The following CHGA variants were observed in gnomAD, a reference collection of about 807,000 sequenced individuals.
CHGA encodes chromogranin A.
A neutral mutation model predicts 54.4 loss-of-function variants in CHGA; 41 were observed. That is an observed-to-expected ratio of 0.75 (90% confidence interval 0.59 to 0.98). CHGA has a LOEUF of 0.98. CHGA is among the 50% of genes least tolerant of loss of function. CHGA has a pLI of 0.00. For synonymous variants in CHGA, 249 were observed against 232.8 expected (o/e 1.07, Z -0.63); for missense variants, 576 against 582.3 (o/e 0.99, Z 0.11).
intron 5 of CHGA, among the ~76,000 whole-genome samples, chr14:92,930,994 T>A (rs1232380351): frequency 1.3e-5 from 2 of 152,256 alleles, no homozygotes; most frequent in Non-Finnish European, 2.9e-5. Context: ...CCTGGATTAA[T>A]CTTAAGGTCT....
At chr14:92,923,494 TCCA>T (rs1886826562) in intron 1 of CHGA, 89 bp downstream of exon 1, 1 of 1,122,786 alleles carries the variant, frequency 8.9e-7, no homozygotes, top group Admixed American at 4.3e-5. Context: ...CCCGCACCCC[TCCA>T]CACTTCCCTT....
chr14:92,927,455 G>A (rs1197997133), intron 3 of CHGA, 95 bp from the exon 4 acceptor site: 2 of 1,032,352 alleles, frequency 1.9e-6, no homozygotes, highest in East Asian at 2.5e-5. Flanking sequence ...TGAGTTTCCA[G>A]AGTAAATTCC....
chr14:92,931,188 G>T (rs774144588), intron 5 of CHGA, 62 bp from the exon 6 acceptor site: 170 of 1,495,890 alleles, frequency 1.1e-4, no homozygotes, highest in Non-Finnish European at 1.5e-4. Context: ...AAATTAGCCT[G>T]TGGGGAGGCC....
At chr14:92,927,821 CT>C (rs1279029514) in intron 4 of CHGA, among the ~76,000 whole-genome samples, 1 of 152,214 alleles carries the variant, frequency 6.6e-6, no homozygotes, top group African/African-American at 2.4e-5. Flanking sequence ...GGTTGAGTGA[CT>C]TGTCCAAGGT....
chr14:92,933,003 G>A (rs1887045079), intron 7 of CHGA, 152 bp downstream of exon 7: 2 of 1,209,254 alleles, frequency 1.7e-6, no homozygotes, highest in African/African-American at 1.5e-5. Context: ...GGCTCTCAGG[G>A]TGGGAGAACA....
At chr14:92,929,178 A>G (rs866465144) in intron 4 of CHGA, among the ~76,000 whole-genome samples, 1 of 152,202 alleles carries the variant, frequency 6.6e-6, no homozygotes, top group African/African-American at 2.4e-5. Context: ...CTGGGCTCAG[A>G]TGTAGGCACA....
chr14:92,932,724 C>T lies in CHGA; in HGVS notation c.1163C>T (p.Pro388Leu), dbSNP rs9658668. The T allele has an allele frequency of 3.1e-4, 495 of 1,610,906 alleles. 1 individual carries two copies. In the African/African-American group the frequency reaches 4.2e-3, roughly 14 times the overall value. Reference protein sequence around the residue: ...ARAYGFRGPGPQLRRGWRPSS... With the variant: ...ARAYGFRGPGLQLRRGWRPSS... ...GCCTACGGCTTCAGGGGCCCTGGGCCGCAGCTGCGACGAGGCTGGAGGCCA... is the reference window on the plus strand; with the variant it reads ...GCCTACGGCTTCAGGGGCCCTGGGCTGCAGCTGCGACGAGGCTGGAGGCCA... Residue 388 changes from proline to leucine, a missense_variant, in exon 7 of 8, where the codon CCG (proline) becomes CTG (leucine). By Grantham distance (98) the Pro-to-Leu change is moderately conservative (BLOSUM62 -3). Coordinates refer to ENST00000216492, the MANE Select transcript of CHGA (RefSeq NM_001275.4). The surrounding 1 kb of genome is among the most constrained non-coding windows in gnomAD (Gnocchi z 5.3).
chr14:92,929,831 T>C lies in CHGA; in HGVS notation c.355+16T>C, dbSNP rs769862570. The C allele has an allele frequency of 5.0e-6, 8 of 1,608,008 alleles. No homozygotes were observed. The East Asian group carries it at 1.8e-4, about 36-fold the overall frequency. On this transcript the variant is annotated intron_variant, in intron 5 of 7. Transcript: ENST00000216492. ...GAGCTGAAAGGTCTGTCCCAGCCGG[T>C]CTGGCCGGAGGTGGGGAAGGGAGGG...
At position 92,932,641 on chromosome 14, in the gene CHGA, G is replaced by A. The variant is rs1887030385; in HGVS notation, c.1080G>A (p.Gly360=). 6 of 1,595,554 alleles carry A rather than the reference G, an allele frequency of 3.8e-6. No homozygotes were observed. The highest frequency in any genetic ancestry group is 5.1e-6 in the Non-Finnish European group (6 of 1,173,302). Residue 360 remains glycine (G), a synonymous_variant, in exon 7 of 8, where the codon GGG becomes GGA. Transcript: ENST00000216492. This position sits in a 1 kb window ranked among gnomAD's most constrained non-coding sequence, Gnocchi z 5.3. ...KELTAEKRLE[G]QEEEEDNRDS... ...TGACGGCTGAGAAGCGGCTGGAGGGGCAGGAGGAGGAGGAGGACAACCGGG... is the reference window on the plus strand; with the variant it reads ...TGACGGCTGAGAAGCGGCTGGAGGGACAGGAGGAGGAGGAGGACAACCGGG...
Position 92,929,719 on chromosome 14 carries a change from G to A in CHGA, c.259G>A (p.Ala87Thr), listed in dbSNP as rs200937569. The A allele has an allele frequency of 6.5e-5, 105 of 1,613,870 alleles. No homozygotes were observed. Among genetic ancestry groups the A allele is most frequent in the East Asian group, 6.2e-4 (28 of 44,884 alleles). The change falls in exon 5 of 8, where the codon GCC becomes ACC. Residue 87 changes from alanine to threonine, a missense_variant and splice_region_variant. Coordinates refer to ENST00000216492, the MANE Select transcript of CHGA (RefSeq NM_001275.4). The stretch of plus-strand genomic sequence containing the variant: ...TTTCCCTCCTTTTCTCATACCAGGC[G>A]CCAAGGAGAGGGCACATCAGCAGAA... ...KELQDLALQG[A>T]KERAHQQKKH...
At position 92,923,296 on chromosome 14, in the gene CHGA, GC is replaced by G. The variant is rs1308313699; in HGVS notation, c.-60del. The G allele has an allele frequency of 1.1e-5, 14 of 1,260,364 alleles. No homozygotes were observed. Among genetic ancestry groups the G allele is most frequent in the Non-Finnish European group, 1.2e-5 (12 of 1,004,162 alleles). The allele number at this position is 1,260,364 out of a possible 1,614,324, so 78.1% of individuals were successfully genotyped here. A position where few individuals can be genotyped will look rare whatever the true frequency, so the allele number is the denominator to read the frequency against. On this transcript the variant is annotated 5_prime_UTR_variant, in exon 1 of 8. Transcript: ENST00000216492. The stretch of plus-strand genomic sequence containing the variant: ...CCCGACCCCGGCCGCCAGTCCAGCC[GC>G]CCCTCGCCCGGTGCCTAGGTGCCCG...
In CHGA at chr14:92,935,096, C is replaced by T. The variant is rs2139677330; in HGVS notation, c.*212C>T. ...TGGAACATCCTTTGCAGGGCAGCCCCACAACTTTAAACATTGACGATTCCT... is the reference window on the plus strand; with the variant it reads ...TGGAACATCCTTTGCAGGGCAGCCCTACAACTTTAAACATTGACGATTCCT... On this transcript the variant is annotated 3_prime_UTR_variant, in exon 8 of 8. Coordinates refer to ENST00000216492, the MANE Select transcript of CHGA (RefSeq NM_001275.4). 1 of 517,560 alleles carries T rather than the reference C, an allele frequency of 1.9e-6. No individual in the cohort carries two copies. Among genetic ancestry groups the T allele is most frequent in the Non-Finnish European group, 3.4e-6 (1 of 298,116 alleles). The allele number at this position is 517,560 out of a possible 1,614,324, so 32.1% of individuals were successfully genotyped here.
In CHGA at chr14:92,932,625, A is replaced by C; in HGVS notation, c.1064A>C (p.Glu355Ala). The C allele has an allele frequency of 6.3e-7, 1 of 1,592,228 alleles. No homozygotes were observed. The change falls in exon 7 of 8, where the codon GAG (glutamate) becomes GCG (alanine). Residue 355 changes from glutamate to alanine, a missense_variant. By Grantham distance (107) the Glu-to-Ala change is moderately radical. Transcript: ENST00000216492. This position sits in a 1 kb window ranked among gnomAD's most constrained non-coding sequence, Gnocchi z 5.3. ...CAGCTGGCCAAGGAGCTGACGGCTG[A>C]GAAGCGGCTGGAGGGGCAGGAGGAG... Reference protein sequence around the residue: ...MDQLAKELTAEKRLEGQEEEE... With the variant: ...MDQLAKELTAAKRLEGQEEEE...
intron 2 of CHGA, 89 bp downstream of exon 2, chr14:92,924,334 A>G (rs2139666578): frequency 6.6e-6 from 9 of 1,366,548 alleles, no homozygotes; most frequent in Middle Eastern, 3.6e-4. Context: ...TAAGTTCGGC[A>G]TAAAGCCAAG....
At position 92,934,956 on chromosome 14, in the gene CHGA, G is replaced by T; in HGVS notation, c.*72G>T. The T allele has an allele frequency of 1.5e-6, 2 of 1,351,620 alleles. No individual in the cohort carries two copies. Among genetic ancestry groups the T allele is most frequent in the Non-Finnish European group, 2.0e-6 (2 of 1,002,512 alleles). 83.7% of individuals were successfully genotyped at this position (1,351,620 alleles called of 1,614,324 possible). A position where few individuals can be genotyped will look rare whatever the true frequency, so the allele number is the denominator to read the frequency against. On this transcript the variant is annotated 3_prime_UTR_variant, in exon 8 of 8. Transcript: ENST00000216492. ...TCTGCTGTCCCCTTGGCAGGTCCTGGCCAGATGGCCCGGATGCTGCTTCCG... is the reference window on the plus strand; with the variant it reads ...TCTGCTGTCCCCTTGGCAGGTCCTGTCCAGATGGCCCGGATGCTGCTTCCG...
Position 92,931,458 on chromosome 14 carries a change from C to T in CHGA, c.564C>T (p.Ser188=), listed in dbSNP as rs751670420. The T allele has an allele frequency of 6.2e-7, 1 of 1,610,240 alleles. No individual in the cohort carries two copies. The highest frequency in any genetic ancestry group is 1.1e-5 in the South Asian group (1 of 90,416). The change falls in exon 6 of 8, where the codon AGC becomes AGT. Residue 188 remains serine (S), a synonymous_variant. Transcript: ENST00000216492. ...EEATNTHPPA[S]LPSQKYPGPQ... The stretch of plus-strand genomic sequence containing the variant: ...CCACCAACACCCACCCTCCAGCCAG[C>T]CTCCCCAGCCAGAAATACCCAGGCC...
At chr14:92,931,771 T>TC in intron 6 of CHGA, 69 bp downstream of exon 6, 1 of 1,433,546 alleles carries the variant, frequency 7.0e-7, no homozygotes, top group Non-Finnish European at 9.5e-7. Flanking sequence ...GAGAGCCTTC[T>TC]CCATAACCTC....
Position 92,931,655 on chromosome 14 carries a change from T to C in CHGA, c.761T>C (p.Leu254Pro). 6.2e-7 allele frequency: 1 copy of C among 1,601,094 alleles called. No homozygotes were observed. Among genetic ancestry groups the C allele is most frequent in the Non-Finnish European group, 8.5e-7 (1 of 1,171,188 alleles). ...VPEEEGPTVV[L>P]NPHPSLGYKE... ...GAGGAAGAAGGCCCCACTGTAGTGC[T>C]GAACCCCCACCCGAGCCTTGGCTAC... The change falls in exon 6 of 8, where the codon CTG becomes CCG. Residue 254 changes from leucine (L) to proline (P), a missense_variant. Transcript: ENST00000216492.
At chr14:92,929,369 TC>T (rs1321860077) in intron 4 of CHGA, among the ~76,000 whole-genome samples, 1 of 142,924 alleles carries the variant, frequency 7.0e-6, no homozygotes, top group Non-Finnish European at 1.5e-5. Flanking sequence ...CACCCCCAAC[TC>T]CTGCCCAGCC....
Sources: allele counts gnomAD v4.1 joint callset (sites outside exome capture counted in the v4.1 genomes callset), GRCh38; gene constraint gnomAD v4.1.1; non-coding constraint Gnocchi (gnomAD v3.1); transcripts MANE v1.5; gene names NCBI Gene and HGNC (gene_info 2026-07-23, HGNC 2026-07-21).